Variants in TAFA5 observed in about 807,000 individuals in gnomAD.
TAFA5 encodes the protein chemokine-like protein TAFA-5.
A neutral mutation model predicts 15.3 loss-of-function variants in TAFA5; 6 were observed. That is an observed-to-expected ratio of 0.39 (90% CI 0.21 to 0.77). TAFA5 has a LOEUF of 0.77. TAFA5 is among the 30% of genes least tolerant of loss of function. TAFA5 has a pLI of 0.41. For synonymous variants in TAFA5, 103 were observed against 80.7 expected, an observed-to-expected ratio of 1.28 and a Z score of -1.48; for missense variants, 161 against 193.1, an observed-to-expected ratio of 0.83 and a Z score of 0.98.
intron 2 of TAFA5, among the ~76,000 whole-genome samples, chr22:48,697,369 G>A (rs1241685373): frequency 2.5e-5 from 2 of 81,522 alleles, no homozygotes; most frequent in East Asian, 2.5e-4. Context: ...TAATGATGAC[G>A]ATGATGATGG....
At chr22:48,706,312 A>G (rs77109597) in intron 2 of TAFA5, among the ~76,000 whole-genome samples, 3,529 of 152,264 alleles carry the variant, frequency 0.023, 104 homozygotes, top group African/African-American at 0.066. Flanking sequence ...TATTCGGAAC[A>G]GTGAGGACCC....
At chr22:48,637,121 A>G (rs1361601891) in intron 1 of TAFA5, among the ~76,000 whole-genome samples, 1 of 152,166 alleles carries the variant, frequency 6.6e-6, no homozygotes, top group Non-Finnish European at 1.5e-5. Context: ...CTCTGCCCCA[A>G]CACCTGCTTT....
chr22:48,647,639 C>T (rs1926913392), intron 2 of TAFA5, among the ~76,000 whole-genome samples: 1 of 152,156 alleles, frequency 6.6e-6, no homozygotes, highest in Non-Finnish European at 1.5e-5. Context: ...GCATTAAATC[C>T]AGGCTGCCTC....
intron 1 of TAFA5, among the ~76,000 whole-genome samples, chr22:48,569,673 G>A (rs1182738163): frequency 2.0e-5 from 3 of 152,176 alleles, no homozygotes; most frequent in Admixed American, 1.3e-4. Flanking sequence ...TGGCTGACAC[G>A]GGGGCCGGGC....
At chr22:48,587,276 G>C (rs951746376) in intron 1 of TAFA5, among the ~76,000 whole-genome samples, 1 of 152,196 alleles carries the variant, frequency 6.6e-6, no homozygotes, top group Non-Finnish European at 1.5e-5. Flanking sequence ...TGCACACCTA[G>C]GTTCATCTCA....
chr22:48,542,744 T>C (rs1922502088), intron 1 of TAFA5, among the ~76,000 whole-genome samples: 1 of 148,274 alleles, frequency 6.7e-6, no homozygotes, highest in African/African-American at 2.5e-5. Context: ...TAGTGATATG[T>C]GTACTGGTGT....
At chr22:48,584,808 A>G (rs1394909114) in intron 1 of TAFA5, among the ~76,000 whole-genome samples, 1 of 150,792 alleles carries the variant, frequency 6.6e-6, no homozygotes, top group African/African-American at 2.4e-5. Context: ...CACACAAAAT[A>G]CAGCACACAC....
At chr22:48,517,972 A>C (rs1037748934) in intron 1 of TAFA5, among the ~76,000 whole-genome samples, 54 of 152,258 alleles carry the variant, frequency 3.5e-4, no homozygotes, top group African/African-American at 1.2e-3. Context: ...CCTAATTAAG[A>C]AATAGCAGCA....
intron 1 of TAFA5, among the ~76,000 whole-genome samples, chr22:48,631,735 G>A (rs917838174): frequency 6.6e-6 from 1 of 152,208 alleles, no homozygotes; most frequent in Admixed American, 6.5e-5. Flanking sequence ...GAGGACTTAG[G>A]GGGAAATCTG....
rs1434682196 is a variant in TAFA5 at position 48,552,585 on chromosome 22, G to T, written c.112+62881G>T. Among the ~76,000 whole-genome samples the T allele has an allele frequency of 6.6e-6, 1 of 152,108 alleles. No homozygotes were observed. The highest frequency in any genetic ancestry group is 1.9e-4 in the East Asian group (1 of 5,168). On this transcript the variant is annotated intron_variant, in intron 1 of 3. Transcript: ENST00000402357. This position sits in a 1 kb window ranked among gnomAD's most constrained non-coding sequence, Gnocchi z 4.1. ...GCCCATGCCCAGCTCTGCCTAAATG[G>T]ATCGATCATCTAGAACCCCCGTCGC...
intron 3 of TAFA5, among the ~76,000 whole-genome samples, chr22:48,744,113 C>T (rs945258626): frequency 6.6e-6 from 1 of 152,194 alleles, no homozygotes; most frequent in South Asian, 2.1e-4. Context: ...CCCCACGGCA[C>T]GGGGGTGGCC....
chr22:48,547,850 G>A (rs1237034009), intron 1 of TAFA5, among the ~76,000 whole-genome samples: 3 of 152,178 alleles, frequency 2.0e-5, no homozygotes, highest in Non-Finnish European at 2.9e-5. Context: ...CATTTCACAC[G>A]TGGAGAAGGT....
intron 1 of TAFA5, among the ~76,000 whole-genome samples, chr22:48,494,761 G>C (rs1248626033): frequency 3.9e-5 from 6 of 152,206 alleles, no homozygotes; most frequent in East Asian, 3.9e-4. Flanking sequence ...TAAGACTCAC[G>C]GCAGCAGCAC....
chr22:48,722,273 C>T (rs12171084), intron 3 of TAFA5, among the ~76,000 whole-genome samples: 13,650 of 152,146 alleles, frequency 0.09, 751 homozygotes, highest in African/African-American at 0.14. Context: ...ATTGCGGCAC[C>T]GTTCACGATA....
In TAFA5 at chr22:48,646,749, A is replaced by G; in HGVS notation, c.262+3A>G. 6.4e-7 allele frequency: 1 copy of G among 1,570,940 alleles called. No homozygotes were observed. The highest frequency in any genetic ancestry group is 1.1e-5 in the South Asian group (1 of 87,646). On this transcript the variant is annotated splice_donor_region_variant and intron_variant, in intron 2 of 3. Coordinates refer to ENST00000402357, the MANE Select transcript of TAFA5 (RefSeq NM_001082967.3). ...AGCCCGGCCCGCCTGTGTGGACGGT[A>G]AGCACCCGTGGCCCCAGGACCCCTC...
intron 1 of TAFA5, among the ~76,000 whole-genome samples, chr22:48,581,510 T>A (rs1046447951): frequency 2.6e-5 from 4 of 151,852 alleles, no homozygotes; most frequent in African/African-American, 7.3e-5. Flanking sequence ...AGGTGGGTGG[T>A]TTTTGCCCGT....
Position 48,550,973 on chromosome 22 carries a change from GC to G in TAFA5, c.112+61272del, listed in dbSNP as rs1430498735. ...CCTCCCCACCAGGGCTGCTCTGAGG[GC>G]CCTGGTCCTGATTTGGACATCATAA... On this transcript the variant is annotated intron_variant, in intron 1 of 3. Coordinates refer to ENST00000402357, the MANE Select transcript of TAFA5 (RefSeq NM_001082967.3). This position sits in a 1 kb window ranked among gnomAD's most constrained non-coding sequence, Gnocchi z 4.1. Among the ~76,000 whole-genome samples, 1 of 151,680 alleles carries G rather than the reference GC, an allele frequency of 6.6e-6. No homozygotes were observed. Among genetic ancestry groups the G allele is most frequent in the Non-Finnish European group, 1.5e-5 (1 of 67,894 alleles).
intron 2 of TAFA5, among the ~76,000 whole-genome samples, chr22:48,672,210 C>G (rs144060901): frequency 1.3e-5 from 2 of 152,166 alleles, no homozygotes; most frequent in African/African-American, 4.8e-5. Context: ...AAGCCTTAGC[C>G]GATGGACTCT....
At chr22:48,695,613 C>T (rs1269867582) in intron 2 of TAFA5, among the ~76,000 whole-genome samples, 2 of 152,158 alleles carry the variant, frequency 1.3e-5, no homozygotes, top group East Asian at 3.8e-4. Flanking sequence ...GCATGTTCCT[C>T]CCTGTGACGT....
Sources: gnomAD v4.1 joint callset for allele counts (sites outside exome capture counted in the v4.1 genomes callset) on GRCh38, gnomAD v4.1.1 for gene constraint, Gnocchi (gnomAD v3.1) non-coding constraint, MANE v1.5 for transcripts, NCBI Gene and HGNC (gene_info 2026-07-23, HGNC 2026-07-21) for gene names.